NUP155: variants seen among roughly 807,000 people sequenced by gnomAD.
NUP155 encodes the protein nuclear pore complex protein Nup155.
A neutral mutation model predicts 180.4 loss-of-function variants in NUP155; 71 were observed. The ratio of observed to expected loss-of-function variants is 0.39; its 90% CI spans 0.33 to 0.48. The LOEUF (loss-of-function observed/expected upper bound fraction) is 0.48. Among genes scored for constraint, NUP155 ranks in the 20% least tolerant of loss-of-function variants. The pLI is 0.91. For synonymous variants in NUP155, 582 were observed against 559.5 expected, an observed-to-expected ratio of 1.04 and a Z score of -0.57; for missense variants, 1,553 against 1,648.9, an observed-to-expected ratio of 0.94 and a Z score of 1.01.
chr5:37,354,456 T>C (rs1746678088), intron 4 of NUP155, among the ~76,000 whole-genome samples: 2 of 134,160 alleles, frequency 1.5e-5, no homozygotes, highest in South Asian at 4.7e-4. Flanking sequence ...CTTTATTTCT[T>C]CTTTTTTTTT....
chr5:37,293,662 G>T (rs910500821), intron 33 of NUP155, among the ~76,000 whole-genome samples: 1 of 152,166 alleles, frequency 6.6e-6, no homozygotes, highest in Non-Finnish European at 1.5e-5. Flanking sequence ...TTTAGATGAG[G>T]TTATAGTAAA....
chr5:37,337,602 A>G (rs961717757), intron 12 of NUP155, among the ~76,000 whole-genome samples: 2 of 152,168 alleles, frequency 1.3e-5, no homozygotes, highest in Non-Finnish European at 2.9e-5. Flanking sequence ...TAAGGGTCCA[A>G]TGTTTTCTTT....
chr5:37,329,947 G>A, intron 15 of NUP155, 91 bp downstream of exon 15: 1 of 917,488 alleles, frequency 1.1e-6, no homozygotes, highest in Non-Finnish European at 1.7e-6. Flanking sequence ...TCACTCAACT[G>A]TTTGGCAAGG....
intron 21 of NUP155, among the ~76,000 whole-genome samples, chr5:37,317,317 C>T (rs1427167762): frequency 1.3e-5 from 2 of 151,904 alleles, no homozygotes; most frequent in Non-Finnish European, 2.9e-5. Context: ...TAAAGAACCC[C>T]GTCTCTTCTG....
At chr5:37,296,059 G>A (rs1359184295) in intron 32 of NUP155, among the ~76,000 whole-genome samples, 3 of 147,472 alleles carry the variant, frequency 2.0e-5, no homozygotes, top group Admixed American at 6.6e-5. Flanking sequence ...AGGTGGGGGG[G>A]TCAGCCCCCC....
At chr5:37,335,509 G>T (rs1414310998) in intron 12 of NUP155, among the ~76,000 whole-genome samples, 1 of 152,020 alleles carries the variant, frequency 6.6e-6, no homozygotes, top group Non-Finnish European at 1.5e-5. Context: ...ATTGTTAGCA[G>T]TTCGCCATAT....
At chr5:37,341,392 A>T (rs1745710728) in intron 10 of NUP155, 150 bp from the exon 11 acceptor site, 2 of 727,570 alleles carry the variant, frequency 2.7e-6, no homozygotes, top group Admixed American at 2.1e-5. Flanking sequence ...GATGGAGTCT[A>T]GCTCTGTCGC....
At chr5:37,305,571 A>C (rs1743108578) in intron 25 of NUP155, among the ~76,000 whole-genome samples, 1 of 152,194 alleles carries the variant, frequency 6.6e-6, no homozygotes, top group Non-Finnish European at 1.5e-5. Flanking sequence ...AGTGCCAGCT[A>C]TTCAGGTGAG....
At position 37,288,747 on chromosome 5, in the gene NUP155, T is replaced by TAAAAAAAA. The variant is rs1224427809; in HGVS notation, c.*3145_*3152dup. ...GAGATCTTTTGGCTACACAAAAAAT[T>TAAAAAAAA]AAAAAAAAAAAAAAAAAAAAAGTAG... On this transcript the variant is annotated 3_prime_UTR_variant, in exon 35 of 35. Transcript: ENST00000231498. 1.6e-5 allele frequency: 1 copy of TAAAAAAAA among 61,634 alleles called. No homozygotes were observed. Among genetic ancestry groups the TAAAAAAAA allele is most frequent in the African/African-American group, 6.5e-5 (1 of 15,398 alleles). The allele number at this position is 61,634 out of a possible 1,614,324, so 3.8% of individuals were successfully genotyped here. A position where few individuals can be genotyped will look rare whatever the true frequency, so the allele number is the denominator to read the frequency against.
At chr5:37,326,438 C>T (rs1036864949) in intron 18 of NUP155, among the ~76,000 whole-genome samples, 2 of 152,166 alleles carry the variant, frequency 1.3e-5, no homozygotes, top group African/African-American at 2.4e-5. Flanking sequence ...TGGTCTATTT[C>T]CCACCTTTTA....
At chr5:37,302,623 T>A (rs1742924565) in intron 29 of NUP155, among the ~76,000 whole-genome samples, 156 bp downstream of exon 29, 1 of 152,224 alleles carries the variant, frequency 6.6e-6, no homozygotes, top group African/African-American at 2.4e-5. Flanking sequence ...ATCTTTAAGA[T>A]TTATATCTAA....
At chr5:37,335,157 C>CAAA (rs369127748) in intron 12 of NUP155, among the ~76,000 whole-genome samples, 3 of 62,194 alleles carry the variant, frequency 4.8e-5, no homozygotes, top group African/African-American at 1.4e-4. Flanking sequence ...GACTCTGTCA[C>CAAA]AAAAAAAAAA....
intron 32 of NUP155, 83 bp from the exon 33 acceptor site, chr5:37,294,548 T>G: frequency 7.4e-7 from 1 of 1,343,368 alleles, no homozygotes; most frequent in Non-Finnish European, 1.1e-6. Flanking sequence ...CTGAATAGTT[T>G]CTAGGGGGAT....
chr5:37,342,743 C>A, intron 9 of NUP155, 97 bp from the exon 10 acceptor site: 2 of 920,852 alleles, frequency 2.2e-6, no homozygotes, highest in South Asian at 1.4e-5. Context: ...TCCATATTTT[C>A]CTTTTTTTTT....
intron 9 of NUP155, 109 bp from the exon 10 acceptor site, chr5:37,342,755 G>A: frequency 1.3e-6 from 1 of 757,334 alleles, no homozygotes; most frequent in Non-Finnish European, 2.3e-6. Flanking sequence ...TTTTTTTTTT[G>A]AGATGTAGTC....
At chr5:37,318,706 A>G (rs1744061912) in intron 20 of NUP155, among the ~76,000 whole-genome samples, 2 of 152,190 alleles carry the variant, frequency 1.3e-5, no homozygotes, top group Non-Finnish European at 2.9e-5. Context: ...TGTGTATCAC[A>G]ATACATAAAA....
chr5:37,364,986 G>T (rs1028657167), intron 1 of NUP155, among the ~76,000 whole-genome samples: 2 of 151,834 alleles, frequency 1.3e-5, no homozygotes, highest in African/African-American at 4.8e-5. Flanking sequence ...AAAAGTGGCT[G>T]GGCGCAGTGG....
intron 20 of NUP155, among the ~76,000 whole-genome samples, chr5:37,322,474 G>A (rs542392853): frequency 2.0e-5 from 3 of 152,174 alleles, no homozygotes; most frequent in South Asian, 2.1e-4. Context: ...TTGGGAGGCC[G>A]AGGCGGGCGG....
intron 32 of NUP155, among the ~76,000 whole-genome samples, chr5:37,295,122 A>C (rs1444129239): frequency 6.6e-6 from 1 of 152,110 alleles, no homozygotes; most frequent in Non-Finnish European, 1.5e-5. Flanking sequence ...CTGTACTGCT[A>C]TCTCGGCTCA....
Sources: gnomAD v4.1 joint callset for allele counts (sites outside exome capture counted in the v4.1 genomes callset) on GRCh38, gnomAD v4.1.1 for gene constraint, MANE v1.5 for transcripts, NCBI Gene and HGNC (gene_info 2026-07-23, HGNC 2026-07-21) for gene names.